Variants in FBXL17 observed in about 807,000 individuals in gnomAD.
FBXL17 encodes the protein F-box and leucine rich repeat protein 17, also known as F-box/LRR-repeat protein 17.
In FBXL17, 22 loss-of-function variants were observed where a neutral mutation model predicts 66.2. The ratio of observed to expected loss-of-function variants is 0.33; its 90% CI spans 0.24 to 0.47. FBXL17 has a LOEUF of 0.47. Ranked by LOEUF, FBXL17 falls within the 20% of genes least tolerant of loss-of-function variation. The probability of loss-of-function intolerance (pLI) is 1.00; values close to 1 mark genes in which losing one functional copy is unlikely to be tolerated. For synonymous variants in FBXL17, 474 were observed against 400.5 expected (o/e 1.18, Z -2.19); for missense variants, 878 against 948.2 (o/e 0.93, Z 0.97).
At chr5:107,893,683 T>C (rs1015523018) in intron 7 of FBXL17, among the ~76,000 whole-genome samples, 4 of 152,200 alleles carry the variant, frequency 2.6e-5, no homozygotes, top group African/African-American at 9.6e-5. Context: ...CCAAGTGATT[T>C]TGATACATAG....
intron 5 of FBXL17, among the ~76,000 whole-genome samples, chr5:108,212,229 T>C (rs934806672): frequency 1.3e-5 from 2 of 152,208 alleles, no homozygotes; most frequent in African/African-American, 4.8e-5. Flanking sequence ...TAGCGATTCG[T>C]CTAACCTTTT....
chr5:108,047,550 G>T (rs1401540666), intron 6 of FBXL17, among the ~76,000 whole-genome samples: 2 of 152,176 alleles, frequency 1.3e-5, no homozygotes, highest in Non-Finnish European at 2.9e-5. Flanking sequence ...AGCTCCCTGG[G>T]TGGGGGAAGG....
At chr5:108,316,003 C>G (rs1759345452) in intron 4 of FBXL17, among the ~76,000 whole-genome samples, 1 of 151,334 alleles carries the variant, frequency 6.6e-6, no homozygotes, top group Non-Finnish European at 1.5e-5. Context: ...ATGCACATAC[C>G]TTGATGATGA....
At chr5:108,180,550 C>T (rs1262321885) in intron 6 of FBXL17, among the ~76,000 whole-genome samples, 2 of 151,744 alleles carry the variant, frequency 1.3e-5, no homozygotes, top group African/African-American at 4.8e-5. Context: ...ACTATTTTAA[C>T]CTCTAGTACA....
chr5:108,123,770 CT>C (rs1486404945), intron 6 of FBXL17, among the ~76,000 whole-genome samples: 2 of 152,102 alleles, frequency 1.3e-5, no homozygotes, highest in Non-Finnish European at 2.9e-5. Flanking sequence ...AATATGAGAT[CT>C]CCTAGATTCT....
intron 4 of FBXL17, among the ~76,000 whole-genome samples, chr5:108,347,559 C>G (rs375663601): frequency 1.3e-5 from 2 of 152,274 alleles, no homozygotes. Context: ...TTGAAAACAT[C>G]ATGCTGAGAC....
chr5:108,042,198 G>GT (rs1747076074), intron 6 of FBXL17, among the ~76,000 whole-genome samples: 2 of 152,088 alleles, frequency 1.3e-5, no homozygotes, highest in Non-Finnish European at 2.9e-5. Context: ...CTGGCCTTCA[G>GT]TTTTTTATCA....
At chr5:107,913,506 G>T (rs1309884633) in intron 7 of FBXL17, among the ~76,000 whole-genome samples, 1 of 152,124 alleles carries the variant, frequency 6.6e-6, no homozygotes, top group Non-Finnish European at 1.5e-5. Context: ...AATGATGATG[G>T]TGTCACTTTT....
intron 6 of FBXL17, among the ~76,000 whole-genome samples, chr5:108,097,934 T>C (rs1749444831): frequency 6.6e-6 from 1 of 152,186 alleles, no homozygotes; most frequent in Admixed American, 6.5e-5. Context: ...ACATTTTATA[T>C]TGTCTAACAG....
rs562242493 is a variant in FBXL17, at chr5:108,162,498, A to C, written c.1745+23619T>G. ...GAGCAAGACTCTGTCTCTAAAAAAC[A>C]AACAAACAAACATACAAAAATCTGG... On this transcript the variant is annotated intron_variant, in intron 6 of 8. Transcript: ENST00000542267. 1.7e-4 allele frequency among the ~76,000 whole-genome samples: 26 copies of C among 152,274 alleles called. No homozygotes were observed. In the South Asian group the frequency reaches 5.4e-3, roughly 32 times the overall value.
intron 4 of FBXL17, among the ~76,000 whole-genome samples, chr5:108,333,148 G>GTATA (rs145030445): frequency 0.43 from 58,991 of 136,262 alleles, 13,603 homozygotes; most frequent in South Asian, 0.61. Flanking sequence ...AGAAATACCA[G>GTATA]TATATATATA....
At chr5:107,967,321 A>G (rs1752182065) in intron 7 of FBXL17, among the ~76,000 whole-genome samples, 1 of 152,060 alleles carries the variant, frequency 6.6e-6, no homozygotes, top group Admixed American at 6.6e-5. Context: ...AGGAAATCGA[A>G]GATCAGAATC....
chr5:107,917,589 C>T lies in FBXL17; in HGVS notation c.1823-36410G>A, dbSNP rs563390512. Among the ~76,000 whole-genome samples, 4 of 152,298 alleles carry T rather than the reference C, an allele frequency of 2.6e-5. No individual in the cohort carries two copies. In the South Asian group the frequency reaches 8.3e-4, roughly 32 times the overall value. Reference sequence around the variant, plus strand: ...CATTGACACTAAATGACATAGTGTACTTGGAGCTCATCTACTATTTAGTCT... The same window carrying T: ...CATTGACACTAAATGACATAGTGTATTTGGAGCTCATCTACTATTTAGTCT... On this transcript the variant is annotated intron_variant, in intron 7 of 8. Coordinates refer to ENST00000542267, the MANE Select transcript of FBXL17 (RefSeq NM_001163315.3).
rs556337804 is a variant in FBXL17, at chr5:108,121,793, G to A, written c.1745+64324C>T. On this transcript the variant is annotated intron_variant, in intron 6 of 8. Coordinates refer to ENST00000542267, the MANE Select transcript of FBXL17 (RefSeq NM_001163315.3). ...AGGATGGTCTTGATCTCCTGACCTC[G>A]TGATCCGCCTGCCTTGGCCTTCCAA... is the stretch of plus-strand genomic sequence containing the variant. Among the ~76,000 whole-genome samples, 5 of 152,280 alleles carry A rather than the reference G, an allele frequency of 3.3e-5. No homozygotes were observed. The East Asian group carries it at 9.7e-4, about 29-fold the overall frequency.
At chr5:108,066,881 C>T (rs1479582632) in intron 6 of FBXL17, among the ~76,000 whole-genome samples, 1 of 151,876 alleles carries the variant, frequency 6.6e-6, no homozygotes, top group East Asian at 1.9e-4. Context: ...TGAGAAAATT[C>T]TATCTGAAAT....
intron 4 of FBXL17, among the ~76,000 whole-genome samples, chr5:108,271,920 AG>A (rs1287016676): frequency 3.3e-5 from 5 of 152,222 alleles, no homozygotes; most frequent in Admixed American, 2.6e-4. Flanking sequence ...CCAGGGCAAC[AG>A]GCCCTAAAAT....
Position 108,063,530 on chromosome 5 carries a change from T to C in FBXL17, c.1746-42529A>G, listed in dbSNP as rs1580391389. On this transcript the variant is annotated intron_variant, in intron 6 of 8. Coordinates refer to ENST00000542267, the MANE Select transcript of FBXL17 (RefSeq NM_001163315.3). ...CTCTCCCACCCTCAGCCTGCTGTAA[T>C]ACCTTTACCATGTAGAGAAACAAGA... Among the ~76,000 whole-genome samples, 5 of 152,306 alleles carry C rather than the reference T, an allele frequency of 3.3e-5. 1 individual carries two copies. The highest frequency in any genetic ancestry group is 3.3e-4 in the Admixed American group (5 of 15,292).
chr5:108,263,303 T>G (rs1051666631), intron 4 of FBXL17, among the ~76,000 whole-genome samples: 1 of 152,110 alleles, frequency 6.6e-6, no homozygotes, highest in African/African-American at 2.4e-5. Flanking sequence ...AAATAAAATT[T>G]GTAACGACTG....
At chr5:108,320,999 G>A (rs1413751888) in intron 4 of FBXL17, among the ~76,000 whole-genome samples, 1 of 151,786 alleles carries the variant, frequency 6.6e-6, no homozygotes, top group African/African-American at 2.4e-5. Flanking sequence ...GTACACCTAG[G>A]AGAGGTGCTC....
Sources: allele counts gnomAD v4.1 joint callset (sites outside exome capture counted in the v4.1 genomes callset), GRCh38; gene constraint gnomAD v4.1.1; transcripts MANE v1.5; gene names NCBI Gene and HGNC (gene_info 2026-07-23, HGNC 2026-07-21).